CLEC2A: variants seen among roughly 807,000 people sequenced by gnomAD.
The protein encoded by CLEC2A is C-type lectin domain family 2 member A.
CLEC2A carries 19 observed loss-of-function variants against 18.6 expected under a neutral mutation model. The ratio of observed to expected loss-of-function variants is 1.02; its 90% confidence interval spans 0.71 to 1.50. The LOEUF (loss-of-function observed/expected upper bound fraction) is 1.50. Among genes scored for constraint, CLEC2A ranks in the 40% most tolerant of loss-of-function variants. CLEC2A has a pLI of 0.00. For synonymous variants in CLEC2A, 74 were observed against 64.0 expected, an observed-to-expected ratio of 1.16 and a Z score of -0.75; for missense variants, 190 against 207.9, an observed-to-expected ratio of 0.91 and a Z score of 0.53.
At chr12:9,888,751 C>T in the CLEC2A span, 2 of 1,502,784 alleles carry the variant, frequency 1.3e-6, no homozygotes, top group Non-Finnish European at 1.8e-6. Context: ...ATGGATTTCT[C>T]CCAGAATGTA....
intron 3 of CLEC2A, among the ~76,000 whole-genome samples, chr12:9,917,402 A>T (rs962329511): frequency 6.6e-6 from 1 of 152,202 alleles, no homozygotes; most frequent in Non-Finnish European, 1.5e-5. Flanking sequence ...ATGCTAATTG[A>T]GATCAATAGG....
intron 4 of CLEC2A, among the ~76,000 whole-genome samples, chr12:9,903,036 G>A (rs1380971867): frequency 6.6e-6 from 1 of 152,168 alleles, no homozygotes; most frequent in Admixed American, 6.5e-5. Context: ...GGGTGTGTCA[G>A]GGCACAGCAA....
At chr12:9,928,712 A>G (rs1000427346) in intron 1 of CLEC2A, among the ~76,000 whole-genome samples, 7 of 152,230 alleles carry the variant, frequency 4.6e-5, no homozygotes, top group African/African-American at 1.7e-4. Flanking sequence ...TTACAGAAGA[A>G]TACACGCAAG....
intron 2 of CLEC2A, among the ~76,000 whole-genome samples, chr12:9,925,156 C>A (rs1392512018): frequency 6.6e-6 from 1 of 152,210 alleles, no homozygotes; most frequent in Non-Finnish European, 1.5e-5. Context: ...GGAAGACGTG[C>A]ATGTCACGTC....
chr12:9,918,190 T>G (rs1361071241), intron 3 of CLEC2A, among the ~76,000 whole-genome samples: 1 of 152,184 alleles, frequency 6.6e-6, no homozygotes, highest in Non-Finnish European at 1.5e-5. Context: ...ATGTCCAGGA[T>G]GGTATTGCCT....
downstream of CLEC2A, among the ~76,000 whole-genome samples, chr12:9,896,511 G>A (rs762798012): frequency 6.7e-5 from 10 of 150,134 alleles, no homozygotes; most frequent in Non-Finnish European, 1.2e-4. Flanking sequence ...AAATATGTAC[G>A]GATGTTAACA....
chr12:9,894,644 A>G (rs1239200162), downstream of CLEC2A, among the ~76,000 whole-genome samples: 1 of 152,084 alleles, frequency 6.6e-6, no homozygotes, highest in Non-Finnish European at 1.5e-5. Context: ...ATACTACCAA[A>G]ACACTTGAGA....
chr12:9,917,144 T>C (rs1394385523), intron 3 of CLEC2A, among the ~76,000 whole-genome samples: 1 of 152,220 alleles, frequency 6.6e-6, no homozygotes, highest in Non-Finnish European at 1.5e-5. Flanking sequence ...ATGAAATCTA[T>C]TATGTGATGG....
chr12:9,913,465 G>A lies in CLEC2A; in HGVS notation c.*101C>T. ...ACTAGAAAATGGGCCCTCACCAGAG[G>A]TTCCGTATTCTGTAACAGAATAAGT... On this transcript the variant is annotated 3_prime_UTR_variant, in exon 5 of 5. Transcript: ENST00000455827. 6.9e-7 allele frequency: 1 copy of A among 1,448,958 alleles called. No individual in the cohort carries two copies. Among genetic ancestry groups the A allele is most frequent in the Non-Finnish European group, 9.0e-7 (1 of 1,109,588 alleles). The allele number at this position is 1,448,958 out of a possible 1,614,324, so 89.8% of individuals were successfully genotyped here.
At chr12:9,888,212 C>T in the CLEC2A span, among the ~76,000 whole-genome samples, 31 of 151,558 alleles carry the variant, frequency 2.0e-4, no homozygotes, top group African/African-American at 6.5e-4. Context: ...AATTGCAGGC[C>T]GGGCATGGTG....
chr12:9,901,014 T>C (rs1227708641), intron 4 of CLEC2A, among the ~76,000 whole-genome samples: 1 of 152,190 alleles, frequency 6.6e-6, no homozygotes, highest in Admixed American at 6.5e-5. Flanking sequence ...AGGTCTTGAT[T>C]ACAGGAGTAT....
chr12:9,880,458 A>G, the CLEC2A span, among the ~76,000 whole-genome samples: 1 of 151,986 alleles, frequency 6.6e-6, no homozygotes, highest in Non-Finnish European at 1.5e-5. Context: ...TTCCCCAGAC[A>G]CTCGGTGTTA....
At chr12:9,913,820 C>T (rs1285870722) in intron 4 of CLEC2A, 140 bp from the exon 5 acceptor site, 1 of 555,076 alleles carries the variant, frequency 1.8e-6, no homozygotes, top group African/African-American at 1.9e-5. Context: ...CCATATGCTG[C>T]ATTAAAATAT....
At chr12:9,884,967 T>C in the CLEC2A span, 1 of 1,328,738 alleles carries the variant, frequency 7.5e-7, no homozygotes, top group Non-Finnish European at 9.7e-7. Flanking sequence ...TATTGTCTTC[T>C]GCTCATATTT....
intron 4 of CLEC2A, among the ~76,000 whole-genome samples, chr12:9,915,553 G>A (rs748829952): frequency 2.4e-4 from 36 of 152,156 alleles, no homozygotes; most frequent in Non-Finnish European, 4.3e-4. Flanking sequence ...GTTCTTTGCA[G>A]GGACATGGAT....
chr12:9,882,650 G>T, the CLEC2A span, among the ~76,000 whole-genome samples: 9 of 152,098 alleles, frequency 5.9e-5, no homozygotes, highest in East Asian at 1.5e-3. Context: ...GTATGGTGGC[G>T]TGTGCCTGTA....
At chr12:9,884,776 G>T in the CLEC2A span, among the ~76,000 whole-genome samples, 4 of 151,116 alleles carry the variant, frequency 2.6e-5, no homozygotes, top group Non-Finnish European at 5.9e-5. Context: ...GTATCTCCTT[G>T]GTTTGGGATT....
chr12:9,931,749 T>C (rs1863378967), intron 1 of CLEC2A, among the ~76,000 whole-genome samples: 1 of 152,222 alleles, frequency 6.6e-6, no homozygotes, highest in Non-Finnish European at 1.5e-5. Context: ...ATACAATTCA[T>C]TCGTTTTCTT....
intron 4 of CLEC2A, among the ~76,000 whole-genome samples, chr12:9,914,026 T>G (rs1277778924): frequency 6.6e-6 from 1 of 152,194 alleles, no homozygotes. Context: ...TTTCTATCTA[T>G]ATGCAAAGAG....
Sources: gnomAD v4.1 joint callset for allele counts (sites outside exome capture counted in the v4.1 genomes callset) on GRCh38, gnomAD v4.1.1 for gene constraint, MANE v1.5 for transcripts, NCBI Gene and HGNC (gene_info 2026-07-23, HGNC 2026-07-21) for gene names.